The following GPM6B variants were observed in gnomAD, a reference collection of about 807,000 sequenced individuals.
GPM6B encodes the protein glycoprotein M6B, also known as neuronal membrane glycoprotein M6-b.
In GPM6B, 4 loss-of-function variants were observed where a neutral mutation model predicts 27.2. That is an observed-to-expected ratio of 0.15 (90% CI 0.07 to 0.34). GPM6B has a LOEUF of 0.34. Ranked by LOEUF, GPM6B falls within the 10% of genes least tolerant of loss-of-function variation. The probability of loss-of-function intolerance (pLI) is 1.00; values close to 1 mark genes in which losing one functional copy is unlikely to be tolerated. For synonymous variants in GPM6B, 124 were observed against 103.1 expected (o/e 1.20, Z -1.23); for missense variants, 183 against 261.9 (o/e 0.70, Z 2.08).
chrX:13,914,996 G>A (rs1048567317), intron 1 of GPM6B, among the ~76,000 whole-genome samples: 5 of 111,250 alleles, frequency 4.5e-5, no homozygotes, highest in Non-Finnish European at 9.4e-5. Context: ...AGCTGGGCAC[G>A]GTGGCTCATT....
chrX:13,866,864 CAG>C (rs752036693), intron 1 of GPM6B, among the ~76,000 whole-genome samples: 1 of 111,373 alleles, frequency 9.0e-6, no homozygotes, highest in East Asian at 2.8e-4. Context: ...CGAATGGAGT[CAG>C]AGAGATGCAT....
intron 1 of GPM6B, among the ~76,000 whole-genome samples, chrX:13,887,976 TAA>T (rs2050153144): frequency 8.9e-6 from 1 of 111,779 alleles, no homozygotes; most frequent in Admixed American, 9.5e-5. Context: ...CCACCCAGCT[TAA>T]AAAGACATAC....
chrX:13,827,211 G>A (rs1387198022), intron 1 of GPM6B, among the ~76,000 whole-genome samples: 1 of 107,076 alleles, frequency 9.3e-6, no homozygotes, highest in African/African-American at 3.4e-5. Context: ...GTCCCCTCCT[G>A]AAAGGCACGG....
upstream of GPM6B, chrX:13,817,382 G>GA (rs1465315692): frequency 1.3e-6 from 1 of 749,378 alleles, no homozygotes; most frequent in Non-Finnish European, 1.6e-6. Flanking sequence ...ATTCTCCCAG[G>GA]AAAAAATAGA....
At chrX:13,799,689 G>A (rs1314300569) in intron 2 of GPM6B, among the ~76,000 whole-genome samples, 1 of 110,957 alleles carries the variant, frequency 9.0e-6, no homozygotes, top group Non-Finnish European at 1.9e-5. Flanking sequence ...TCCCGAGCCA[G>A]GCCAAAGCAG....
intron 1 of GPM6B, among the ~76,000 whole-genome samples, chrX:13,899,091 A>G (rs895887862): frequency 8.1e-5 from 9 of 111,237 alleles, no homozygotes; most frequent in Non-Finnish European, 1.7e-4. Context: ...GCACATAGAC[A>G]GATATGCAGT....
chrX:13,801,153 T>A (rs1324264788), intron 2 of GPM6B, among the ~76,000 whole-genome samples: 1 of 110,738 alleles, frequency 9.0e-6, no homozygotes, highest in East Asian at 2.8e-4. Flanking sequence ...GAACACTAGA[T>A]GAAAGTAGCT....
chrX:13,895,192 C>A (rs1221035112), intron 1 of GPM6B, among the ~76,000 whole-genome samples: 3 of 111,766 alleles, frequency 2.7e-5, no homozygotes, highest in Non-Finnish European at 5.6e-5. Flanking sequence ...AGCTCCTTAG[C>A]ATCTTTCTGC....
In GPM6B at chrX:13,773,023, A is replaced by G; in HGVS notation, c.845T>C (p.Phe282Ser). 2 of 1,209,482 alleles carry G rather than the reference A, an allele frequency of 1.7e-6. No homozygotes were observed. Among genetic ancestry groups the G allele is most frequent in the Non-Finnish European group, 2.2e-6 (2 of 893,854 alleles). ...CCAGTTAGAAGACAGTATCATGAGGAAGTGGATCTGGAAGAGAAGGGTGAG... is the reference window on the plus strand; with the variant it reads ...CCAGTTAGAAGACAGTATCATGAGGGAGTGGATCTGGAAGAGAAGGGTGAG... ...AGATVIALIH[F>S]LMILSSNWAY... The change falls in exon 8 of 8, where the codon TTC (phenylalanine) becomes TCC (serine). Residue 282 changes from phenylalanine to serine, a missense_variant. Physicochemically the swap from Phe to Ser is radical, Grantham distance 155 (BLOSUM62 -2). Coordinates refer to ENST00000316715, the MANE Select transcript of GPM6B (RefSeq NM_001001995.3).
intron 1 of GPM6B, among the ~76,000 whole-genome samples, chrX:13,897,148 C>T (rs144023811): frequency 8.1e-4 from 91 of 112,313 alleles, no homozygotes; most frequent in Non-Finnish European, 1.6e-3. Flanking sequence ...TAAAGTCCCA[C>T]TGGCCTTGAG....
chrX:13,896,636 C>T (rs887682786), intron 1 of GPM6B, among the ~76,000 whole-genome samples: 1 of 108,494 alleles, frequency 9.2e-6, no homozygotes, highest in Non-Finnish European at 1.9e-5. Flanking sequence ...GGTGTGATCT[C>T]GGCTCACTGC....
intron 1 of GPM6B, among the ~76,000 whole-genome samples, chrX:13,850,966 C>G (rs1314572274): frequency 1.8e-5 from 2 of 110,052 alleles, no homozygotes; most frequent in African/African-American, 6.6e-5. Flanking sequence ...GAGTTCAAGA[C>G]CAGCCTGGCC....
At chrX:13,775,661 G>A (rs180930472) in intron 7 of GPM6B, among the ~76,000 whole-genome samples, 8 of 111,557 alleles carry the variant, frequency 7.2e-5, no homozygotes, top group African/African-American at 2.0e-4. Context: ...TATTAAATAC[G>A]GTGTATTTAC....
At chrX:13,773,122 G>C (rs1201559023) in intron 7 of GPM6B, 92 bp from the exon 8 acceptor site, 30 of 774,823 alleles carry the variant, frequency 3.9e-5, no homozygotes, top group Non-Finnish European at 5.3e-5. Flanking sequence ...ACTTTAAAGG[G>C]GCGAAGGTTA....
chrX:13,932,401 CAGAT>C (rs1008566414), intron 1 of GPM6B, among the ~76,000 whole-genome samples: 5 of 112,528 alleles, frequency 4.4e-5, no homozygotes, highest in African/African-American at 1.3e-4. Flanking sequence ...TTTCCTCAGA[CAGAT>C]ACTCTTTTTC....
intron 1 of GPM6B, among the ~76,000 whole-genome samples, chrX:13,865,689 C>G (rs1429626441): frequency 9.3e-6 from 1 of 107,363 alleles, no homozygotes; most frequent in Admixed American, 1.0e-4. Flanking sequence ...TCCAAGAGGT[C>G]AAGGCTGCAG....
At chrX:13,866,722 A>G (rs1341469389) in intron 1 of GPM6B, among the ~76,000 whole-genome samples, 1 of 111,825 alleles carries the variant, frequency 8.9e-6, no homozygotes, top group African/African-American at 3.2e-5. Flanking sequence ...AAAAAATCTA[A>G]TGAAGAGAGA....
At chrX:13,926,393 G>A (rs1336588612) in intron 1 of GPM6B, among the ~76,000 whole-genome samples, 1 of 106,283 alleles carries the variant, frequency 9.4e-6, no homozygotes, top group Non-Finnish European at 1.9e-5. Context: ...GGGTGACACA[G>A]AGCGAGACTC....
chrX:13,881,171 C>A (rs1437626941), intron 1 of GPM6B, among the ~76,000 whole-genome samples: 1 of 112,172 alleles, frequency 8.9e-6, no homozygotes, highest in Non-Finnish European at 1.9e-5. Context: ...GGCCCAGCAA[C>A]TGAAACAGGC....
Sources: gnomAD v4.1 joint callset for allele counts (sites outside exome capture counted in the v4.1 genomes callset) on GRCh38, gnomAD v4.1.1 for gene constraint, MANE v1.5 for transcripts, NCBI Gene and HGNC (gene_info 2026-07-23, HGNC 2026-07-21) for gene names.